The following TMEM8B variants were observed in gnomAD, a reference collection of about 807,000 sequenced individuals.
TMEM8B encodes the protein transmembrane protein 8B.
Under a neutral mutation model 49.3 loss-of-function variants are expected in TMEM8B, and 29 were observed. The observed-to-expected ratio is 0.59, with a 90% CI of 0.44 to 0.80. The LOEUF is 0.80. TMEM8B is among the 30% of genes least tolerant of loss of function. The pLI is 0.00. For missense variants in TMEM8B, 575 were observed against 658.5 expected (o/e 0.87, Z 1.39); for synonymous variants, 264 against 272.8 (o/e 0.97, Z 0.32).
intron 1 of TMEM8B, chr9:35,833,437 C>T (rs1830112887): frequency 1.1e-6 from 1 of 889,094 alleles, no homozygotes; most frequent in Non-Finnish European, 1.3e-6. Flanking sequence ...CATTTGGGAC[C>T]CTCTTCCCCT....
rs1035280287 is a variant in TMEM8B at position 35,841,576 on chromosome 9, T to G, written c.1091T>G (p.Val364Gly). The G allele has an allele frequency of 3.1e-5, 13 of 416,566 alleles. No individual in the cohort carries two copies. Among genetic ancestry groups the G allele is most frequent in the South Asian group, 1.2e-4 (1 of 8,024 alleles). 25.8% of individuals were successfully genotyped at this position (416,566 alleles called of 1,614,324 possible). A position where few individuals can be genotyped will look rare whatever the true frequency, so the allele number is the denominator to read the frequency against. Residue 364 changes from valine to glycine, a missense_variant, in exon 5 of 13, where the codon GTG (valine) becomes GGG (glycine). Coordinates refer to ENST00000643932, the MANE Select transcript of TMEM8B (RefSeq NM_001042590.4). This position sits in a 1 kb window ranked among gnomAD's most constrained non-coding sequence, Gnocchi z 5.9. ...TYRVSAQLVC[V>G]GGRGVSACPL... ...AGGGTTTCAGCACAGCTGGTGTGTG[T>G]GGGGGGCCGTGGGGTATCTGCCTGC... is the stretch of plus-strand genomic sequence containing the variant.
intron 6 of TMEM8B, among the ~76,000 whole-genome samples, chr9:35,843,626 A>C (rs994516127): frequency 2.0e-5 from 3 of 152,230 alleles, no homozygotes; most frequent in Non-Finnish European, 4.4e-5. Flanking sequence ...TGGTGAACTG[A>C]GATCCCTGGG....
chr9:35,846,861 T>TA lies in TMEM8B; in HGVS notation c.2042dup (p.Tyr681Ter). Residue 681 changes from tyrosine (Y) to a stop codon, truncating the protein, a stop_gained and frameshift_variant, in exon 10 of 13, where the codon TAT becomes TAAT. Coordinates refer to ENST00000643932, the MANE Select transcript of TMEM8B (RefSeq NM_001042590.4). LOFTEE classifies it high-confidence loss of function. The stretch of plus-strand genomic sequence containing the variant: ...CACCGACAGTGCAGATGCGCTCACC[T>TA]ATGGATTCCAGCTGCTGTCCACACT... ...GCTDSADALTYGFQLLSTLLL... is the reference protein window; with the variant it reads ...GCTDSADALT The TA allele has an allele frequency of 6.2e-7, 1 of 1,614,206 alleles. No individual in the cohort carries two copies.
In TMEM8B at chr9:35,842,349, G is replaced by A. The variant is rs1005886057; in HGVS notation, c.1310-43G>A. On this transcript the variant is annotated intron_variant, in intron 5 of 12. Transcript: ENST00000643932. This position sits in a 1 kb window ranked among gnomAD's most constrained non-coding sequence, Gnocchi z 5.6. ...TGTGTTTATGAGTAAGTTCAGGACT[G>A]TAAAGGCTGCAGGCCCAAGCTCTGG... 16 of 1,420,560 alleles carry A rather than the reference G, an allele frequency of 1.1e-5. No homozygotes were observed. The highest frequency in any genetic ancestry group is 8.7e-5 in the African/African-American group (6 of 69,298). The allele number at this position is 1,420,560 out of a possible 1,614,324, so 88.0% of individuals were successfully genotyped here.
chr9:35,841,491 T>G lies in TMEM8B; in HGVS notation c.1041-35T>G. 2.4e-6 allele frequency: 1 copy of G among 416,554 alleles called. No homozygotes were observed. Among genetic ancestry groups the G allele is most frequent in the Non-Finnish European group, 4.4e-6 (1 of 227,630 alleles). 25.8% of individuals were successfully genotyped at this position (416,554 alleles called of 1,614,324 possible). ...GCCCTGTGTTCCTCTCGCCTCTGTT[T>G]GTGCCTTCTTACCCCCAACCTCTCC... is the stretch of plus-strand genomic sequence containing the variant. On this transcript the variant is annotated intron_variant, in intron 4 of 12. Coordinates refer to ENST00000643932, the MANE Select transcript of TMEM8B (RefSeq NM_001042590.4). The surrounding 1 kb of genome is among the most constrained non-coding windows in gnomAD (Gnocchi z 5.9).
At chr9:35,830,110 T>G (rs1318665276) in intron 1 of TMEM8B, among the ~76,000 whole-genome samples, 155 bp downstream of exon 1, 2 of 152,186 alleles carry the variant, frequency 1.3e-5, no homozygotes, top group African/African-American at 4.8e-5. Context: ...CAACAGGGAT[T>G]GGCAGGGTCA....
chr9:35,849,608 C>G (rs1039063735), intron 10 of TMEM8B, among the ~76,000 whole-genome samples: 1 of 152,118 alleles, frequency 6.6e-6, no homozygotes, highest in African/African-American at 2.4e-5. Context: ...AGCCTGACTC[C>G]AGATCCCTCA....
Position 35,841,091 on chromosome 9 carries a change from C to G in TMEM8B, c.907-43C>G. 4.8e-6 allele frequency: 2 copies of G among 415,118 alleles called. No homozygotes were observed. The highest frequency in any genetic ancestry group is 8.8e-6 in the Non-Finnish European group (2 of 226,366). 25.7% of individuals were successfully genotyped at this position (415,118 alleles called of 1,614,324 possible). A position where few individuals can be genotyped will look rare whatever the true frequency, so the allele number is the denominator to read the frequency against. On this transcript the variant is annotated intron_variant, in intron 3 of 12. Transcript: ENST00000643932. This position sits in a 1 kb window ranked among gnomAD's most constrained non-coding sequence, Gnocchi z 5.9. The stretch of plus-strand genomic sequence containing the variant: ...CTGTTTGCCTTGGTTTAGTCACACC[C>G]CTGCTGTCTCTCCCTCTCCTGCCAC...
Position 35,864,708 on chromosome 9 carries a change from CTTTTAAATG to C in TMEM8B, c.*10878_*10886del, listed in dbSNP as rs1564057829. The C allele has an allele frequency of 6.6e-6, 1 of 152,218 alleles. No individual in the cohort carries two copies. The highest frequency in any genetic ancestry group is 2.4e-5 in the African/African-American group (1 of 41,434). 9.4% of individuals were successfully genotyped at this position (152,218 alleles called of 1,614,324 possible). A position where few individuals can be genotyped will look rare whatever the true frequency, so the allele number is the denominator to read the frequency against. On this transcript the variant is annotated 3_prime_UTR_variant, in exon 13 of 13. Transcript: ENST00000643932. ...CCCTGTCCCCCAGCAAATATTTTGG[CTTTTAAATG>C]TTTTAAATGATTTCTTGAGAATAAG...
At position 35,864,971 on chromosome 9, in the gene TMEM8B, T is replaced by A. The variant is rs1832713053; in HGVS notation, c.*11131T>A. ...CATAGACAGTCTGCTTGCCCCCTGC[T>A]TTCAGGGACCTCATGGTCCCTGCCC... On this transcript the variant is annotated 3_prime_UTR_variant, in exon 13 of 13. Coordinates refer to ENST00000643932, the MANE Select transcript of TMEM8B (RefSeq NM_001042590.4). 1 of 152,262 alleles carries A rather than the reference T, an allele frequency of 6.6e-6. No homozygotes were observed. Among genetic ancestry groups the A allele is most frequent in the Admixed American group, 6.5e-5 (1 of 15,272 alleles). 9.4% of individuals were successfully genotyped at this position (152,262 alleles called of 1,614,324 possible).
chr9:35,831,161 G>A (rs1200104931), intron 1 of TMEM8B, among the ~76,000 whole-genome samples: 1 of 152,226 alleles, frequency 6.6e-6, no homozygotes, highest in Non-Finnish European at 1.5e-5. Context: ...TCACTTATGT[G>A]TATGTGTGTA....
intron 1 of TMEM8B, chr9:35,833,349 G>C: frequency 1.0e-6 from 1 of 985,246 alleles, no homozygotes; most frequent in Non-Finnish European, 1.2e-6. Flanking sequence ...GTGTCATCTT[G>C]GGCTTCTTTT....
At chr9:35,849,910 G>A (rs901859644) in intron 10 of TMEM8B, among the ~76,000 whole-genome samples, 3 of 152,214 alleles carry the variant, frequency 2.0e-5, no homozygotes, top group African/African-American at 7.2e-5. Flanking sequence ...TTGAATCCTT[G>A]TAATTAGATC....
In TMEM8B at chr9:35,857,164, A is replaced by G. The variant is rs1832566696; in HGVS notation, c.*3324A>G. On this transcript the variant is annotated 3_prime_UTR_variant, in exon 13 of 13. Coordinates refer to ENST00000643932, the MANE Select transcript of TMEM8B (RefSeq NM_001042590.4). ...CACAGGGCTCAATCCCCACAGGGTG[A>G]TGTTCTGAAAGCTTCTGAGTGACAA... The G allele has an allele frequency of 6.6e-6, 1 of 152,260 alleles. No individual in the cohort carries two copies. Among genetic ancestry groups the G allele is most frequent in the African/African-American group, 2.4e-5 (1 of 41,452 alleles). 9.4% of individuals were successfully genotyped at this position (152,260 alleles called of 1,614,324 possible).
rs1447578722 is a variant in TMEM8B at position 35,864,126 on chromosome 9, T to C, written c.*10286T>C. 2 of 152,216 alleles carry C rather than the reference T, an allele frequency of 1.3e-5. No homozygotes were observed. Among genetic ancestry groups the C allele is most frequent in the Non-Finnish European group, 2.9e-5 (2 of 68,052 alleles). The allele number at this position is 152,216 out of a possible 1,614,324, so 9.4% of individuals were successfully genotyped here. On this transcript the variant is annotated 3_prime_UTR_variant, in exon 13 of 13. Transcript: ENST00000643932. The stretch of plus-strand genomic sequence containing the variant: ...CGGGGCCTTTGTTCCTTTTCTGCTG[T>C]ATGACTTTGGTCAGATTTCTCCTTC...
intron 10 of TMEM8B, 143 bp downstream of exon 10, chr9:35,847,138 C>G (rs1030695849): frequency 8.1e-6 from 13 of 1,613,840 alleles, no homozygotes; most frequent in African/African-American, 1.3e-5. Context: ...GCAGTGCTTC[C>G]CAAACTGTCA....
In TMEM8B at chr9:35,853,222, A is replaced by G. The variant is rs895294386; in HGVS notation, c.2404A>G (p.Ser802Gly). 6.2e-7 allele frequency: 1 copy of G among 1,613,972 alleles called. No individual in the cohort carries two copies. Residue 802 changes from serine (S) to glycine (G), a missense_variant, in exon 12 of 13, where the codon AGT (serine) becomes GGT (glycine). Transcript: ENST00000643932. This position sits in a 1 kb window ranked among gnomAD's most constrained non-coding sequence, Gnocchi z 4.2. ...TGGACTCTGGAACCTGCTTGGACCC[A>G]GTCTCTTCGCCCTGGGGATCTTGGC... ...RHGLWNLLGP[S>G]LFALGILATA...
intron 9 of TMEM8B, 93 bp downstream of exon 9, chr9:35,846,704 C>G: frequency 6.5e-7 from 1 of 1,543,644 alleles, no homozygotes; most frequent in Non-Finnish European, 8.7e-7. Context: ...AGTGCGCAGC[C>G]TGAATTGGGG....
chr9:35,829,928 C>T lies in TMEM8B; in HGVS notation c.481C>T (p.Leu161=). 4.8e-6 allele frequency: 2 copies of T among 416,116 alleles called. No individual in the cohort carries two copies. Among genetic ancestry groups the T allele is most frequent in the Non-Finnish European group, 8.8e-6 (2 of 226,638 alleles). The allele number at this position is 416,116 out of a possible 1,614,324, so 25.8% of individuals were successfully genotyped here. A position where few individuals can be genotyped will look rare whatever the true frequency, so the allele number is the denominator to read the frequency against. ...QLPPALLLLL[L]FSVLGPGAGG... ...GCCGCCAGCCCTATTGCTGCTGTTG[C>T]TGTTCTCTGTCCTTGGCCCAGGGGC... Residue 161 remains leucine, a synonymous_variant, in exon 1 of 13, where the codon CTG becomes TTG. Coordinates refer to ENST00000643932, the MANE Select transcript of TMEM8B (RefSeq NM_001042590.4).
Sources: gnomAD v4.1 joint callset for allele counts (sites outside exome capture counted in the v4.1 genomes callset) on GRCh38, gnomAD v4.1.1 for gene constraint, Gnocchi (gnomAD v3.1) non-coding constraint, MANE v1.5 for transcripts, NCBI Gene and HGNC (gene_info 2026-07-23, HGNC 2026-07-21) for gene names.